CPAP: variants seen among roughly 807,000 people sequenced by gnomAD.
CPAP encodes centrosome assembly and centriole elongation protein, also known as centrosomal P4.1-associated protein.
At chr13:24,884,308 C>T in the CPAP span, 10 of 1,613,990 alleles carry the variant, frequency 6.2e-6, no homozygotes, top group East Asian at 2.2e-5. Context: ...GAGGAGAACA[C>T]CTCTGGAAAC....
At chr13:24,909,656 G>A in the CPAP span, 22 of 816,396 alleles carry the variant, frequency 2.7e-5, no homozygotes. Context: ...CCAGGAGATT[G>A]AGTCCAGCCT....
chr13:24,885,335 A>AT, the CPAP span: 3 of 1,613,932 alleles, frequency 1.9e-6, no homozygotes, highest in Admixed American at 5.0e-5. Context: ...TCCTCTTTAT[A>AT]TTCAGGATCT....
the CPAP span, among the ~76,000 whole-genome samples, chr13:24,887,091 C>T: frequency 0.067 from 10,125 of 152,016 alleles, 1,147 homozygotes; most frequent in African/African-American, 0.23. Context: ...TGGGTAGATA[C>T]TAGGGGAGGG....
the CPAP span, among the ~76,000 whole-genome samples, chr13:24,908,772 C>T: frequency 1.3e-5 from 2 of 151,954 alleles, no homozygotes; most frequent in Non-Finnish European, 1.5e-5. Context: ...AAAAAAGCAC[C>T]TTTAAAAGAT....
chr13:24,909,618 G>C, the CPAP span, among the ~76,000 whole-genome samples: 1 of 151,992 alleles, frequency 6.6e-6, no homozygotes, highest in Non-Finnish European at 1.5e-5. Context: ...AGCTACCTGA[G>C]AGGCTGATGG....
the CPAP span, chr13:24,889,058 A>G: frequency 8.6e-6 from 4 of 463,532 alleles, no homozygotes; most frequent in African/African-American, 5.9e-5. Context: ...AAAGTTTCAG[A>G]TTTGGGATGC....
the CPAP span, among the ~76,000 whole-genome samples, chr13:24,925,208 C>T: frequency 6.6e-6 from 1 of 152,144 alleles, no homozygotes; most frequent in African/African-American, 2.4e-5. Context: ...AACTCGTAGG[C>T]TCAAGCAGTC....
the CPAP span, among the ~76,000 whole-genome samples, chr13:24,917,415 A>G: frequency 6.6e-6 from 1 of 152,194 alleles, no homozygotes; most frequent in Non-Finnish European, 1.5e-5. Flanking sequence ...ATAAGTACAA[A>G]ATATTTTTCT....
the CPAP span, among the ~76,000 whole-genome samples, chr13:24,922,428 G>A: frequency 6.7e-6 from 1 of 150,336 alleles, no homozygotes; most frequent in Non-Finnish European, 1.5e-5. Flanking sequence ...AGCCAGCAAC[G>A]CTACTTCACC....
the CPAP span, chr13:24,909,683 C>T: frequency 1.9e-6 from 2 of 1,058,350 alleles, no homozygotes; most frequent in South Asian, 1.4e-5. Flanking sequence ...CACGGCAACA[C>T]TCCATCTCTG....
chr13:24,906,981 T>A, the CPAP span: 1 of 1,607,656 alleles, frequency 6.2e-7, no homozygotes. Flanking sequence ...AGAATAATAT[T>A]TGAATTAATT....
chr13:24,933,181 T>C, the CPAP span: 4 of 1,385,752 alleles, frequency 2.9e-6, no homozygotes, highest in East Asian at 6.9e-5. Context: ...ACATCGCGCA[T>C]TCAGGGAACA....
the CPAP span, among the ~76,000 whole-genome samples, chr13:24,896,525 A>G: frequency 2.6e-5 from 4 of 152,266 alleles, no homozygotes; most frequent in Admixed American, 2.6e-4. Context: ...CAGGGATAAG[A>G]GCTAGCAGCC....
the CPAP span, chr13:24,933,210 G>A: frequency 8.9e-7 from 1 of 1,122,474 alleles, no homozygotes; most frequent in Admixed American, 1.7e-5. Flanking sequence ...ATGGTTAGAA[G>A]AGGAAACAGA....
chr13:24,897,185 T>A, the CPAP span, among the ~76,000 whole-genome samples: 1 of 152,172 alleles, frequency 6.6e-6, no homozygotes, highest in African/African-American at 2.4e-5. Flanking sequence ...GAGGTTGCAG[T>A]GAGCTGAAAT....
At chr13:24,891,900 G>A in the CPAP span, among the ~76,000 whole-genome samples, 7 of 152,146 alleles carry the variant, frequency 4.6e-5, no homozygotes, top group Admixed American at 1.3e-4. Context: ...AGGTGCTGCT[G>A]CAGCCTGGGG....
chr13:24,904,127 G>T, the CPAP span: 3 of 1,548,072 alleles, frequency 1.9e-6, no homozygotes, highest in Admixed American at 3.3e-5. Context: ...TAGCTAGCTA[G>T]TAACACTAAG....
chr13:24,900,323 CAGG>C, the CPAP span, among the ~76,000 whole-genome samples: 1 of 152,124 alleles, frequency 6.6e-6, no homozygotes, highest in Non-Finnish European at 1.5e-5. Flanking sequence ...GGATGGGTAG[CAGG>C]AGAAGGTGTC....
At chr13:24,894,640 G>A in the CPAP span, among the ~76,000 whole-genome samples, 1 of 152,236 alleles carries the variant, frequency 6.6e-6, no homozygotes, top group African/African-American at 2.4e-5. Context: ...GTGGGGTTGA[G>A]TGAGTTTTGT....
Sources: allele counts gnomAD v4.1 joint callset (sites outside exome capture counted in the v4.1 genomes callset), GRCh38; gene constraint gnomAD v4.1.1; transcripts MANE v1.5; gene names NCBI Gene and HGNC (gene_info 2026-07-23, HGNC 2026-07-21).